The following EYS variants were observed in gnomAD, a reference collection of about 807,000 sequenced individuals.
EYS encodes EGF-like photoreceptor maintenance factor.
EYS carries 250 observed loss-of-function variants against 282.1 expected under a neutral mutation model. The observed-to-expected ratio is 0.89, with a 90% CI of 0.80 to 0.98. EYS has a LOEUF of 0.98. Among genes scored for constraint, EYS ranks in the 50% least tolerant of loss-of-function variants. EYS has a pLI of 0.00. For synonymous variants in EYS, 1,355 were observed against 1,282.9 expected (o/e 1.06, Z -1.20); for missense variants, 4,016 against 3,709.0 (o/e 1.08, Z -2.15).
At chr6:64,634,941 C>T (rs1767921326) in intron 22 of EYS, among the ~76,000 whole-genome samples, 1 of 152,140 alleles carries the variant, frequency 6.6e-6, no homozygotes, top group Admixed American at 6.6e-5. Flanking sequence ...GATATTGGTT[C>T]TTCCTACCCA....
chr6:64,538,971 T>C (rs1181795005), intron 26 of EYS, among the ~76,000 whole-genome samples: 1 of 152,212 alleles, frequency 6.6e-6, no homozygotes, highest in African/African-American at 2.4e-5. Context: ...TGCTCTAAAT[T>C]AGTGCTCTTA....
intron 35 of EYS, among the ~76,000 whole-genome samples, chr6:63,939,859 C>T (rs1230454611): frequency 3.9e-5 from 6 of 152,060 alleles, no homozygotes; most frequent in African/African-American, 1.4e-4. Flanking sequence ...GTACATGGTG[C>T]TATTAATAGT....
intron 31 of EYS, among the ~76,000 whole-genome samples, chr6:64,200,001 A>G (rs1257805316): frequency 1.3e-5 from 2 of 152,228 alleles, no homozygotes; most frequent in African/African-American, 4.8e-5. Context: ...TAGGGAAAAA[A>G]TAAATGATCT....
intron 12 of EYS, among the ~76,000 whole-genome samples, chr6:65,248,467 C>A (rs545269101): frequency 6.6e-6 from 1 of 151,932 alleles, no homozygotes; most frequent in Non-Finnish European, 1.5e-5. Context: ...ATTTTCCCCA[C>A]AGTGAAATGA....
chr6:64,485,448 T>C (rs1035931746), intron 26 of EYS, among the ~76,000 whole-genome samples: 1 of 151,586 alleles, frequency 6.6e-6, no homozygotes, highest in Non-Finnish European at 1.5e-5. Flanking sequence ...GGACTGACTA[T>C]GTATTTATTT....
rs754188778 is a variant in EYS at position 64,331,049 on chromosome 6, TG to T, written c.6079-23968del. Among the ~76,000 whole-genome samples, 3 of 152,294 alleles carry T rather than the reference TG, an allele frequency of 2.0e-5. No homozygotes were observed. The South Asian group carries it at 6.2e-4, about 32-fold the overall frequency. ...TCATATCTGAAGGTGTCAGATGGGC[TG>T]GATATGCAGTGGTAACACTGAATTC... On this transcript the variant is annotated intron_variant, in intron 29 of 42. Transcript: ENST00000503581.
chr6:63,905,715 T>G (rs896585830), intron 35 of EYS, among the ~76,000 whole-genome samples: 2 of 152,200 alleles, frequency 1.3e-5, no homozygotes, highest in Non-Finnish European at 2.9e-5. Flanking sequence ...TTGTGTTAAA[T>G]TCTCTAACCC....
chr6:64,568,885 G>C (rs1765635141), intron 26 of EYS, among the ~76,000 whole-genome samples: 1 of 152,054 alleles, frequency 6.6e-6, no homozygotes, highest in African/African-American at 2.4e-5. Flanking sequence ...ATGCAGCAGA[G>C]GAGACTGAAT....
At chr6:64,202,091 A>C (rs1426121600) in intron 31 of EYS, among the ~76,000 whole-genome samples, 1 of 152,066 alleles carries the variant, frequency 6.6e-6, no homozygotes, top group Non-Finnish European at 1.5e-5. Flanking sequence ...GGGTACCCCA[A>C]GAAGTAGCAA....
At chr6:64,068,729 GCTTTA>G (rs916428153) in intron 32 of EYS, among the ~76,000 whole-genome samples, 1 of 151,968 alleles carries the variant, frequency 6.6e-6, no homozygotes, top group African/African-American at 2.4e-5. Flanking sequence ...CCTTCTGTAA[GCTTTA>G]CTTAAGTTCT....
chr6:63,777,811 T>C (rs952980525), intron 40 of EYS, 195 bp downstream of exon 40: 5 of 540,268 alleles, frequency 9.3e-6, no homozygotes, highest in African/African-American at 7.6e-5. Flanking sequence ...AGAACTAAGA[T>C]GGCATAAATG....
chr6:64,372,130 GTT>G lies in EYS; in HGVS notation c.6078+16558_6078+16559del, dbSNP rs201498090. On this transcript the variant is annotated intron_variant, in intron 29 of 42. Coordinates refer to ENST00000503581, the MANE Select transcript of EYS (RefSeq NM_001142800.2). ...TAGCATCACTGGTCTGTATACTTGT[GTT>G]TTTTTTTTTTTTTTTTTTTTTTTTT... 8.4e-3 allele frequency among the ~76,000 whole-genome samples: 819 copies of G among 97,540 alleles called. 12 individuals carry two copies. Among genetic ancestry groups the G allele is most frequent in the African/African-American group, 0.033 (693 of 21,140 alleles). 64.0% of individuals were successfully genotyped at this position (97,540 alleles called of 152,430 possible).
chr6:65,058,926 A>T (rs1225855941), intron 12 of EYS, among the ~76,000 whole-genome samples: 2 of 152,020 alleles, frequency 1.3e-5, no homozygotes, highest in African/African-American at 4.8e-5. Context: ...TTCTTTTTTT[A>T]AAAAAATTCT....
At chr6:63,949,959 G>A (rs981123602) in intron 35 of EYS, among the ~76,000 whole-genome samples, 11 of 152,128 alleles carry the variant, frequency 7.2e-5, no homozygotes, top group Admixed American at 4.6e-4. Context: ...GGATCACGAG[G>A]TCAGGAGTTC....
chr6:65,510,095 T>C lies in EYS; in HGVS notation c.-332-14102A>G, dbSNP rs565871589. On this transcript the variant is annotated intron_variant, in intron 2 of 42. Transcript: ENST00000503581. The stretch of plus-strand genomic sequence containing the variant: ...TGCAGGTTAGTTACATATGTATACA[T>C]GTGCCATGCTGGTGCGCTGCACCCA... Among the ~76,000 whole-genome samples, 174 of 151,526 alleles carry C rather than the reference T, an allele frequency of 1.1e-3. 1 individual carries two copies. The highest frequency in any genetic ancestry group is 6.8e-3 in the Middle Eastern group (2 of 294).
At chr6:64,151,363 A>ATATATATATATAT (rs1491135650) in intron 31 of EYS, among the ~76,000 whole-genome samples, 11 of 62,836 alleles carry the variant, frequency 1.8e-4, no homozygotes, top group Non-Finnish European at 2.2e-4. Flanking sequence ...ATATATATAT[A>ATATATATATATAT]ATTTTTTTTT....
In EYS at chr6:64,813,392, A is replaced by C; in HGVS notation, c.3429T>G (p.His1143Gln). ...TAAATACTGACCTGCAGTCAAAAGT[A>C]TGTCCAGGCCCATCAACACAGATCC... ...NGGICVDGPG[H>Q]TFDCRCLPGF... Residue 1143 changes from histidine to glutamine, a missense_variant, in exon 22 of 43, where the codon CAT becomes CAG. Physicochemically the swap from His to Gln is conservative, Grantham distance 24. Transcript: ENST00000503581. 3 of 1,543,300 alleles carry C rather than the reference A, an allele frequency of 1.9e-6. No individual in the cohort carries two copies. In the African/African-American group the frequency reaches 4.1e-5, roughly 21 times the overall value.
At chr6:63,726,826 G>T in intron 41 of EYS, 146 bp from the exon 42 acceptor site, 1 of 693,208 alleles carries the variant, frequency 1.4e-6, no homozygotes, top group South Asian at 1.8e-5. Flanking sequence ...ATCAAACCTT[G>T]GTAACTTTGT....
At chr6:64,154,814 G>A (rs979348892) in intron 31 of EYS, among the ~76,000 whole-genome samples, 1 of 152,048 alleles carries the variant, frequency 6.6e-6, no homozygotes, top group Admixed American at 6.5e-5. Context: ...GTAGAGATAT[G>A]TCATGAGGTG....
Sources: allele counts gnomAD v4.1 joint callset (sites outside exome capture counted in the v4.1 genomes callset), GRCh38; gene constraint gnomAD v4.1.1; transcripts MANE v1.5; gene names NCBI Gene and HGNC (gene_info 2026-07-23, HGNC 2026-07-21).